The following LAMA2 variants were observed in gnomAD, a reference collection of about 807,000 sequenced individuals.
LAMA2 encodes laminin subunit alpha-2.
In LAMA2, 269 loss-of-function variants were observed where a neutral mutation model predicts 364.8. The observed-to-expected ratio is 0.74, with a 90% CI of 0.67 to 0.82. The LOEUF (loss-of-function observed/expected upper bound fraction) is 0.82. LAMA2 is among the 40% of genes least tolerant of loss of function. LAMA2 has a pLI of 0.00. For synonymous variants in LAMA2, 1,379 were observed against 1,370.6 expected (o/e 1.01, Z -0.14); for missense variants, 3,807 against 3,873.2 (o/e 0.98, Z 0.45).
Position 129,391,229 on chromosome 6 carries a change from T to TG in LAMA2, c.5072-262_5072-261insG, listed in dbSNP as rs371178457. On this transcript the variant is annotated intron_variant, in intron 35 of 64. Coordinates refer to ENST00000421865, the MANE Select transcript of LAMA2 (RefSeq NM_000426.4). The stretch of plus-strand genomic sequence containing the variant: ...GTATGCTTCGACCTACTTCTTTATT[T>TG]TAATTCTTTCTTTCTTTTGAGGTTA... Among the ~76,000 whole-genome samples, 426 of 152,092 alleles carry TG rather than the reference T, an allele frequency of 2.8e-3. 3 individuals carry two copies. Among genetic ancestry groups the TG allele is most frequent in the African/African-American group, 0.01 (419 of 41,360 alleles).
At chr6:129,402,248 T>C (rs1028076938) in intron 38 of LAMA2, 76 bp from the exon 39 acceptor site, 2 of 1,087,262 alleles carry the variant, frequency 1.8e-6, no homozygotes, top group Non-Finnish European at 2.8e-6. Context: ...CGTGTAGTTA[T>C]GTCTCATAGA....
At chr6:129,425,422 T>C (rs569399677) in intron 40 of LAMA2, among the ~76,000 whole-genome samples, 12 of 152,060 alleles carry the variant, frequency 7.9e-5, no homozygotes, top group African/African-American at 2.9e-4. Flanking sequence ...TTCTTTTTAC[T>C]TTTTTTTAAT....
intron 1 of LAMA2, among the ~76,000 whole-genome samples, chr6:128,960,144 C>T (rs1781389420): frequency 6.6e-6 from 1 of 151,954 alleles, no homozygotes; most frequent in South Asian, 2.1e-4. Flanking sequence ...GTAGTTTGAT[C>T]ACAATATGAC....
intron 34 of LAMA2, among the ~76,000 whole-genome samples, chr6:129,373,552 G>C (rs956950624): frequency 6.6e-6 from 1 of 152,010 alleles, no homozygotes; most frequent in South Asian, 2.1e-4. Context: ...TATTTTTTCA[G>C]TGTTTACTGA....
chr6:128,980,312 A>G (rs9492170), intron 1 of LAMA2, among the ~76,000 whole-genome samples: 23,202 of 152,178 alleles, frequency 0.15, 2,024 homozygotes, highest in African/African-American at 0.23. Context: ...TGCACTATAT[A>G]CCGCTTGAAA....
At chr6:129,212,077 G>A (rs867996298) in intron 12 of LAMA2, among the ~76,000 whole-genome samples, 1 of 152,146 alleles carries the variant, frequency 6.6e-6, no homozygotes, top group African/African-American at 2.4e-5. Flanking sequence ...TCCTTTGTCT[G>A]TCTGGATTTC....
rs1484648747 is a variant in LAMA2, at chr6:129,287,715, CGTT to C, written c.2538-130_2538-128del. 5.0e-6 allele frequency: 4 copies of C among 802,436 alleles called. No homozygotes were observed. In the African/African-American group the frequency reaches 5.1e-5, roughly 10 times the overall value. 49.7% of individuals were successfully genotyped at this position (802,436 alleles called of 1,614,324 possible). On this transcript the variant is annotated intron_variant, in intron 18 of 64. Coordinates refer to ENST00000421865, the MANE Select transcript of LAMA2 (RefSeq NM_000426.4). ...TTGTAGAAAAACATTTTTTTAATCA[CGTT>C]GCGTTTGAGAAAAGGAACACTTAAA...
chr6:129,134,905 A>G (rs1777693006), intron 4 of LAMA2, among the ~76,000 whole-genome samples: 1 of 152,148 alleles, frequency 6.6e-6, no homozygotes, highest in Non-Finnish European at 1.5e-5. Context: ...CTCTACTGAT[A>G]TGGATCAATG....
At chr6:129,128,267 T>C (rs1185859451) in intron 4 of LAMA2, among the ~76,000 whole-genome samples, 4 of 152,172 alleles carry the variant, frequency 2.6e-5, no homozygotes, top group Non-Finnish European at 5.9e-5. Context: ...CCTTTTCTCA[T>C]TGTGTATTCT....
intron 2 of LAMA2, among the ~76,000 whole-genome samples, chr6:129,055,578 C>T (rs1788430683): frequency 6.6e-6 from 1 of 152,014 alleles, no homozygotes; most frequent in Non-Finnish European, 1.5e-5. Context: ...AATAAAACCC[C>T]ACAAGAATAA....
At chr6:128,917,793 GC>G (rs1235312526) in intron 1 of LAMA2, among the ~76,000 whole-genome samples, 1 of 135,456 alleles carries the variant, frequency 7.4e-6, no homozygotes, top group Non-Finnish European at 1.5e-5. Context: ...AAGTGCAGTG[GC>G]AGGATCATGG....
intron 12 of LAMA2, among the ~76,000 whole-genome samples, chr6:129,229,599 G>A (rs1448823807): frequency 6.6e-6 from 1 of 152,140 alleles, no homozygotes; most frequent in Non-Finnish European, 1.5e-5. Context: ...GGTTGAATGA[G>A]GACAAACAGA....
chr6:128,943,269 C>CACACAGAG (rs1365657711), intron 1 of LAMA2, among the ~76,000 whole-genome samples: 43 of 143,192 alleles, frequency 3.0e-4, no homozygotes, highest in African/African-American at 1.0e-3. Context: ...TATATATACA[C>CACACAGAG]AGAGAGAGAG....
At chr6:128,936,649 T>A (rs13204384) in intron 1 of LAMA2, among the ~76,000 whole-genome samples, 32,095 of 152,016 alleles carry the variant, frequency 0.21, 4,944 homozygotes, top group African/African-American at 0.43. Context: ...TTATAACAAT[T>A]TACTATAATA....
At chr6:129,508,615 G>A (rs953720105) in intron 62 of LAMA2, among the ~76,000 whole-genome samples, 3 of 152,144 alleles carry the variant, frequency 2.0e-5, no homozygotes, top group Non-Finnish European at 4.4e-5. Flanking sequence ...GTGAGAACAT[G>A]TGATGTTTGC....
intron 19 of LAMA2, among the ~76,000 whole-genome samples, chr6:129,289,058 T>A (rs1307531966): frequency 6.6e-6 from 1 of 152,206 alleles, no homozygotes; most frequent in Non-Finnish European, 1.5e-5. Flanking sequence ...AATGTGTCTC[T>A]CTCATCACAG....
intron 3 of LAMA2, among the ~76,000 whole-genome samples, chr6:129,083,570 A>G (rs755304201): frequency 2.0e-5 from 3 of 152,328 alleles, no homozygotes; most frequent in East Asian, 3.9e-4. Context: ...AAATCAAATG[A>G]CTGTTGATGG....
At chr6:129,165,499 C>T in intron 8 of LAMA2, 77 bp from the exon 9 acceptor site, 2 of 870,724 alleles carry the variant, frequency 2.3e-6, no homozygotes, top group South Asian at 2.9e-5. Flanking sequence ...ACTACTTTGT[C>T]TATAAAAGTT....
chr6:129,084,451 C>T (rs971394107), intron 3 of LAMA2, among the ~76,000 whole-genome samples: 6 of 152,250 alleles, frequency 3.9e-5, no homozygotes, highest in Admixed American at 6.5e-5. Context: ...TCAAGAATAT[C>T]TACAATTCAA....
Sources: allele counts gnomAD v4.1 joint callset (sites outside exome capture counted in the v4.1 genomes callset), GRCh38; gene constraint gnomAD v4.1.1; transcripts MANE v1.5; gene names NCBI Gene and HGNC (gene_info 2026-07-23, HGNC 2026-07-21).